The following GALNT13 variants were observed in gnomAD, a reference collection of about 807,000 sequenced individuals.
GALNT13 encodes the protein UDP-GalNAc:polypeptide N-acetylgalactosaminyltransferase 13.
GALNT13 carries 28 observed loss-of-function variants against 64.2 expected under a neutral mutation model. The observed-to-expected ratio is 0.44, with a 90% CI of 0.32 to 0.60. The LOEUF (loss-of-function observed/expected upper bound fraction) is 0.60, where lower values mean the gene tolerates loss of function less well. Among genes scored for constraint, GALNT13 ranks in the 20% least tolerant of loss-of-function variants. The pLI is 0.05. For synonymous variants in GALNT13, 214 were observed against 224.6 expected, an observed-to-expected ratio of 0.95 and a Z score of 0.42; for missense variants, 577 against 669.8, an observed-to-expected ratio of 0.86 and a Z score of 1.53.
chr2:153,539,358 T>C, the GALNT13 span, among the ~76,000 whole-genome samples: 1 of 151,938 alleles, frequency 6.6e-6, no homozygotes, highest in Admixed American at 6.6e-5. Context: ...TTCACTCTGA[T>C]GGTAGTTTCT....
chr2:153,734,343 A>G, the GALNT13 span, among the ~76,000 whole-genome samples: 1 of 152,162 alleles, frequency 6.6e-6, no homozygotes, highest in Non-Finnish European at 1.5e-5. Flanking sequence ...GCAGTGGAAA[A>G]ACAAAGAGGC....
the GALNT13 span, among the ~76,000 whole-genome samples, chr2:153,441,877 A>G: frequency 3.0e-4 from 46 of 152,256 alleles, no homozygotes; most frequent in East Asian, 6.0e-3. Context: ...TAAATATGCA[A>G]TCTTGTCATC....
At chr2:154,241,062 G>A (rs1342961429) in intron 4 of GALNT13, among the ~76,000 whole-genome samples, 1 of 151,954 alleles carries the variant, frequency 6.6e-6, no homozygotes, top group Non-Finnish European at 1.5e-5. Context: ...GCCTTCCTCC[G>A]CTGACTTGCT....
At chr2:153,562,678 C>T in the GALNT13 span, among the ~76,000 whole-genome samples, 1 of 152,072 alleles carries the variant, frequency 6.6e-6, no homozygotes, top group Non-Finnish European at 1.5e-5. Flanking sequence ...AATATTCTTG[C>T]AAATTTATAA....
chr2:153,742,987 G>A, the GALNT13 span, among the ~76,000 whole-genome samples: 3 of 117,996 alleles, frequency 2.5e-5, no homozygotes, highest in African/African-American at 3.3e-5. Context: ...GAGGAGAAGT[G>A]GGGGGGGAGA....
chr2:154,233,037 CAAAA>C (rs375484057), intron 4 of GALNT13, among the ~76,000 whole-genome samples: 2 of 59,062 alleles, frequency 3.4e-5, no homozygotes, highest in Non-Finnish European at 7.1e-5. Flanking sequence ...GACCCTGTCT[CAAAA>C]AAAAAAAAAA....
the GALNT13 span, among the ~76,000 whole-genome samples, chr2:153,247,995 T>A: frequency 6.6e-6 from 1 of 152,028 alleles, no homozygotes; most frequent in Non-Finnish European, 1.5e-5. Flanking sequence ...ACAAACACCC[T>A]CCCAGGACTA....
the GALNT13 span, among the ~76,000 whole-genome samples, chr2:153,794,058 A>C: frequency 6.6e-6 from 1 of 152,190 alleles, no homozygotes; most frequent in Non-Finnish European, 1.5e-5. Context: ...TATCTGTTTT[A>C]ACTTTAAATA....
the GALNT13 span, among the ~76,000 whole-genome samples, chr2:153,101,135 A>G: frequency 6.6e-6 from 1 of 152,170 alleles, no homozygotes; most frequent in African/African-American, 2.4e-5. Context: ...GCTTATGTAA[A>G]TTATATAATG....
the GALNT13 span, among the ~76,000 whole-genome samples, chr2:153,393,810 T>C: frequency 6.6e-6 from 1 of 152,062 alleles, no homozygotes; most frequent in Non-Finnish European, 1.5e-5. Flanking sequence ...CAGACTGCTC[T>C]TGTACTCAAG....
the GALNT13 span, among the ~76,000 whole-genome samples, chr2:153,293,879 C>T: frequency 6.6e-6 from 1 of 152,040 alleles, no homozygotes; most frequent in South Asian, 2.1e-4. Flanking sequence ...GCAGTCTTGA[C>T]TTCCACAGCT....
chr2:153,142,884 G>GT, the GALNT13 span, among the ~76,000 whole-genome samples: 1 of 151,958 alleles, frequency 6.6e-6, no homozygotes, highest in Non-Finnish European at 1.5e-5. Flanking sequence ...AAGGAATGAT[G>GT]TTAACATGGT....
the GALNT13 span, among the ~76,000 whole-genome samples, chr2:153,312,737 G>A: frequency 2.0e-4 from 31 of 152,112 alleles, no homozygotes; most frequent in Non-Finnish European, 4.4e-5. Flanking sequence ...ACTGGGCTAG[G>A]CCATGTGTCT....
At chr2:154,152,402 A>G (rs1330042694) in intron 4 of GALNT13, among the ~76,000 whole-genome samples, 1 of 152,038 alleles carries the variant, frequency 6.6e-6, no homozygotes. Context: ...TCTGACAATT[A>G]TGTGTCTTGG....
the GALNT13 span, among the ~76,000 whole-genome samples, chr2:153,425,138 T>G: frequency 2.0e-5 from 3 of 151,560 alleles, no homozygotes; most frequent in Non-Finnish European, 4.4e-5. Flanking sequence ...AAACACAAAC[T>G]AAAGAATAGT....
chr2:153,630,814 T>A, the GALNT13 span, among the ~76,000 whole-genome samples: 47 of 61,072 alleles, frequency 7.7e-4, no homozygotes, highest in South Asian at 2.6e-3. Flanking sequence ...TATATTTTTT[T>A]TTTTTTTTTT....
chr2:154,437,566 C>A (rs770035931), intron 11 of GALNT13: 17 of 1,284,704 alleles, frequency 1.3e-5, no homozygotes, highest in Admixed American at 2.3e-5. Context: ...TGCTTAATAA[C>A]CCTCATGAGG....
chr2:153,684,033 C>T, the GALNT13 span, among the ~76,000 whole-genome samples: 15 of 150,774 alleles, frequency 9.9e-5, no homozygotes, highest in East Asian at 2.9e-3. Flanking sequence ...TAGCAGCTCT[C>T]ACTAAAGTCC....
chr2:153,390,647 T>C, the GALNT13 span, among the ~76,000 whole-genome samples: 1 of 152,212 alleles, frequency 6.6e-6, no homozygotes, highest in East Asian at 1.9e-4. Flanking sequence ...CTAATATTAA[T>C]TACATTATTA....
Sources: allele counts gnomAD v4.1 joint callset (sites outside exome capture counted in the v4.1 genomes callset), GRCh38; gene constraint gnomAD v4.1.1; transcripts MANE v1.5; gene names NCBI Gene and HGNC (gene_info 2026-07-23, HGNC 2026-07-21).